ADAM23: variants seen among roughly 807,000 people sequenced by gnomAD.
ADAM23 encodes the protein ADAM metallopeptidase domain 23, also known as disintegrin and metalloproteinase domain-containing protein 23.
ADAM23 carries 33 observed loss-of-function variants against 120.1 expected under a neutral mutation model. That is an observed-to-expected ratio of 0.27 (90% CI 0.21 to 0.37). ADAM23 has a LOEUF of 0.37. Among genes scored for constraint, ADAM23 ranks in the 10% least tolerant of loss-of-function variants. The pLI, the probability that ADAM23 is intolerant of heterozygous loss-of-function variation, is 1.00. For synonymous variants in ADAM23, 367 were observed against 375.2 expected, an observed-to-expected ratio of 0.98 and a Z score of 0.25; for missense variants, 862 against 1,058.2, an observed-to-expected ratio of 0.81 and a Z score of 2.57.
At chr2:206,484,453 T>C (rs753061067) in intron 3 of ADAM23, among the ~76,000 whole-genome samples, 1 of 152,144 alleles carries the variant, frequency 6.6e-6, no homozygotes, top group Non-Finnish European at 1.5e-5. Context: ...TTTTTAAAAA[T>C]TGGAGTGCTT....
intron 3 of ADAM23, among the ~76,000 whole-genome samples, chr2:206,524,157 CT>C (rs1347692598): frequency 6.6e-6 from 1 of 152,080 alleles, no homozygotes; most frequent in Non-Finnish European, 1.5e-5. Flanking sequence ...TGTGGTACTC[CT>C]TTTCTAGATA....
At chr2:206,458,513 C>A (rs116178812) in intron 2 of ADAM23, among the ~76,000 whole-genome samples, 220 of 152,306 alleles carry the variant, frequency 1.4e-3, no homozygotes, top group African/African-American at 5.2e-3. Flanking sequence ...GTCTCAGAGG[C>A]TGCAAGCCCT....
At chr2:206,617,468 G>T in intron 25 of ADAM23, 111 bp from the exon 26 acceptor site, 4 of 1,223,048 alleles carry the variant, frequency 3.3e-6, no homozygotes, top group Non-Finnish European at 3.3e-6. Flanking sequence ...TAATTACTTT[G>T]CTCTGGAACT....
chr2:206,612,294 C>T (rs944519697), intron 25 of ADAM23, among the ~76,000 whole-genome samples: 3 of 152,206 alleles, frequency 2.0e-5, no homozygotes, highest in East Asian at 1.9e-4. Flanking sequence ...TTTCCCACCA[C>T]TTGGACAGTT....
rs144764517 is a variant in ADAM23 at position 206,584,747 on chromosome 2, T to C, written c.1738-2578T>C. 6.4e-3 allele frequency among the ~76,000 whole-genome samples: 970 copies of C among 152,270 alleles called. 8 individuals are homozygous for C. Among genetic ancestry groups the C allele is most frequent in the African/African-American group, 0.022 (930 of 41,546 alleles). ...CCGATTGGTGCCCTCCCCCAAGTTA[T>C]GGCCAGGAGGCTTCTCGCCCAGTTC... On this transcript the variant is annotated intron_variant, in intron 18 of 25. Coordinates refer to ENST00000264377, the MANE Select transcript of ADAM23 (RefSeq NM_003812.4).
intron 9 of ADAM23, among the ~76,000 whole-genome samples, chr2:206,554,099 C>T (rs1321207340): frequency 1.3e-5 from 2 of 152,058 alleles, no homozygotes; most frequent in African/African-American, 4.8e-5. Context: ...CTAATTCATG[C>T]AGGAAATAGA....
At chr2:206,512,722 T>C (rs904139132) in intron 3 of ADAM23, among the ~76,000 whole-genome samples, 4 of 152,184 alleles carry the variant, frequency 2.6e-5, no homozygotes, top group Non-Finnish European at 5.9e-5. Flanking sequence ...CAGATATACC[T>C]AGTTTTATGT....
At chr2:206,577,771 T>C (rs1698144045) in intron 18 of ADAM23, among the ~76,000 whole-genome samples, 1 of 151,634 alleles carries the variant, frequency 6.6e-6, no homozygotes, top group Non-Finnish European at 1.5e-5. Flanking sequence ...CCTTTGGGTA[T>C]ATACCCAGTA....
chr2:206,580,508 G>T (rs1559274962), intron 18 of ADAM23, among the ~76,000 whole-genome samples: 1 of 152,104 alleles, frequency 6.6e-6, no homozygotes, highest in African/African-American at 2.4e-5. Flanking sequence ...TGTTTATGTG[G>T]TGTATTGCAT....
chr2:206,599,159 C>T (rs540286604), intron 24 of ADAM23, among the ~76,000 whole-genome samples: 1 of 149,166 alleles, frequency 6.7e-6, no homozygotes, highest in Non-Finnish European at 1.5e-5. Flanking sequence ...GAGCCGAGAT[C>T]GTGCCATTGT....
At chr2:206,522,978 A>G (rs1696874460) in intron 3 of ADAM23, among the ~76,000 whole-genome samples, 1 of 152,126 alleles carries the variant, frequency 6.6e-6, no homozygotes, top group Non-Finnish European at 1.5e-5. Context: ...AGGGGAAGAA[A>G]CGAAACATCT....
At chr2:206,445,000 C>CT (rs1016842522) in intron 1 of ADAM23, among the ~76,000 whole-genome samples, 94 of 22,210 alleles carry the variant, frequency 4.2e-3, no homozygotes, top group African/African-American at 0.011. Flanking sequence ...TTCATTCTAC[C>CT]CCCCCCCCAA....
chr2:206,465,514 G>GA (rs529630631), intron 2 of ADAM23, among the ~76,000 whole-genome samples: 3 of 151,956 alleles, frequency 2.0e-5, no homozygotes, highest in Admixed American at 1.3e-4. Flanking sequence ...TCTACTTTTG[G>GA]AAAAAAATTA....
intron 18 of ADAM23, among the ~76,000 whole-genome samples, chr2:206,573,975 A>T (rs1698061530): frequency 6.6e-6 from 1 of 152,066 alleles, no homozygotes; most frequent in African/African-American, 2.4e-5. Context: ...CTTTGATTTT[A>T]TTAGGTTGGT....
chr2:206,607,775 A>G (rs1698754740), intron 24 of ADAM23, among the ~76,000 whole-genome samples: 2 of 152,162 alleles, frequency 1.3e-5, no homozygotes, highest in Admixed American at 6.5e-5. Context: ...ATTGCTCAAG[A>G]AATATAGTTT....
At chr2:206,533,535 T>G (rs913255583) in intron 4 of ADAM23, among the ~76,000 whole-genome samples, 8 of 152,210 alleles carry the variant, frequency 5.3e-5, no homozygotes, top group Non-Finnish European at 8.8e-5. Context: ...GAAAAGTACA[T>G]GCACACATTG....
chr2:206,549,478 A>G (rs1697467282), intron 8 of ADAM23, among the ~76,000 whole-genome samples: 1 of 152,136 alleles, frequency 6.6e-6, no homozygotes, highest in East Asian at 1.9e-4. Flanking sequence ...GAAGGCTAAA[A>G]TACTTACTCT....
intron 2 of ADAM23, among the ~76,000 whole-genome samples, chr2:206,469,617 A>C (rs565550650): frequency 8.5e-5 from 13 of 152,330 alleles, no homozygotes; most frequent in Non-Finnish European, 1.3e-4. Context: ...ATCATTCCTC[A>C]CTCAAAATTC....
intron 3 of ADAM23, among the ~76,000 whole-genome samples, chr2:206,505,777 C>T (rs905108004): frequency 2.5e-4 from 38 of 152,276 alleles, no homozygotes; most frequent in African/African-American, 8.7e-4. Context: ...TCCCCGTTTG[C>T]AGATGATGAA....
Sources: allele counts gnomAD v4.1 joint callset (sites outside exome capture counted in the v4.1 genomes callset), GRCh38; gene constraint gnomAD v4.1.1; transcripts MANE v1.5; gene names NCBI Gene and HGNC (gene_info 2026-07-23, HGNC 2026-07-21).